Variants in C1orf185 observed in about 807,000 individuals in gnomAD.
C1orf185 encodes the protein chromosome 1 open reading frame 185, also known as uncharacterized protein C1orf185.
C1orf185 carries 13 observed loss-of-function variants against 16.1 expected under a neutral mutation model. That is an observed-to-expected ratio of 0.81 (90% confidence interval 0.53 to 1.28). C1orf185 has a LOEUF of 1.28. C1orf185 is among the 50% of genes most tolerant of loss of function. The pLI, the probability that C1orf185 is intolerant of heterozygous loss-of-function variation, is 0.00. For synonymous variants in C1orf185, 80 were observed against 76.9 expected, an observed-to-expected ratio of 1.04 and a Z score of -0.21; for missense variants, 220 against 225.2, an observed-to-expected ratio of 0.98 and a Z score of 0.15.
At chr1:51,122,201 T>C (rs1646202643) in intron 3 of C1orf185, among the ~76,000 whole-genome samples, 1 of 152,204 alleles carries the variant, frequency 6.6e-6, no homozygotes, top group Non-Finnish European at 1.5e-5. Flanking sequence ...TGTTTCTCTA[T>C]GAAATCTTTA....
chr1:51,127,571 C>A (rs1416989787), intron 3 of C1orf185, among the ~76,000 whole-genome samples: 1 of 152,158 alleles, frequency 6.6e-6, no homozygotes, highest in Non-Finnish European at 1.5e-5. Flanking sequence ...CAGGTGTGAG[C>A]CACTGCGCCC....
chr1:51,129,449 T>C (rs1646267635), intron 3 of C1orf185, among the ~76,000 whole-genome samples: 1 of 152,148 alleles, frequency 6.6e-6, no homozygotes, highest in Admixed American at 6.6e-5. Flanking sequence ...GACATTGGCT[T>C]TTCTTTTGAG....
At chr1:51,132,973 CAA>C (rs1230769771) in intron 3 of C1orf185, among the ~76,000 whole-genome samples, 1 of 152,098 alleles carries the variant, frequency 6.6e-6, no homozygotes, top group African/African-American at 2.4e-5. Context: ...CCTTCATAAA[CAA>C]AGGAGAAATA....
At chr1:51,113,948 A>C (rs67343486) in intron 2 of C1orf185, among the ~76,000 whole-genome samples, 22,980 of 152,164 alleles carry the variant, frequency 0.15, 2,942 homozygotes, top group African/African-American at 0.35. Context: ...GTTTCTGTTT[A>C]ATAGATTTGC....
At chr1:51,121,741 A>G (rs1019938454) in intron 3 of C1orf185, among the ~76,000 whole-genome samples, 1 of 152,128 alleles carries the variant, frequency 6.6e-6, no homozygotes, top group Non-Finnish European at 1.5e-5. Context: ...TCTAACAAAA[A>G]CTTTTATTGT....
intron 2 of C1orf185, among the ~76,000 whole-genome samples, chr1:51,116,760 G>C (rs1377240995): frequency 6.6e-6 from 1 of 152,042 alleles, no homozygotes; most frequent in Non-Finnish European, 1.5e-5. Context: ...TGCTTTCTGT[G>C]TTTCTGTTAC....
At chr1:51,106,565 T>C (rs186817721) in intron 1 of C1orf185, among the ~76,000 whole-genome samples, 1 of 152,186 alleles carries the variant, frequency 6.6e-6, no homozygotes, top group Non-Finnish European at 1.5e-5. Context: ...AGAGGATTGC[T>C]TGAGCCCCAG....
chr1:51,138,727 G>T (rs189708015), intron 3 of C1orf185, among the ~76,000 whole-genome samples: 1 of 151,258 alleles, frequency 6.6e-6, no homozygotes, highest in Non-Finnish European at 1.5e-5. Flanking sequence ...TTGCTCTATC[G>T]CCCAGGCTGT....
At chr1:51,125,788 G>A (rs1424307961) in intron 3 of C1orf185, among the ~76,000 whole-genome samples, 1 of 152,154 alleles carries the variant, frequency 6.6e-6, no homozygotes, top group African/African-American at 2.4e-5. Flanking sequence ...GAAGGAGATA[G>A]AAAAATGTAA....
At chr1:51,137,993 C>T (rs938770709) in intron 3 of C1orf185, among the ~76,000 whole-genome samples, 1 of 152,050 alleles carries the variant, frequency 6.6e-6, no homozygotes, top group South Asian at 2.1e-4. Flanking sequence ...TATGGGAGAG[C>T]CAAATGTTGA....
chr1:51,117,047 GTC>G lies in C1orf185; in HGVS notation c.123-1617_123-1616del, dbSNP rs569694419. On this transcript the variant is annotated intron_variant, in intron 2 of 4. Transcript: ENST00000371759. Reference sequence around the variant, plus strand: ...ATTTTCTTGTGATTACGTTATTAATGTCTGTCTTCTTTTCTAGTATTTAAGCT... The same window carrying G: ...ATTTTCTTGTGATTACGTTATTAATGTGTCTTCTTTTCTAGTATTTAAGCT... 3.7e-4 allele frequency among the ~76,000 whole-genome samples: 57 copies of G among 152,240 alleles called. No homozygotes were observed. In the East Asian group the frequency reaches 9.7e-3, roughly 26 times the overall value.
chr1:51,124,569 A>G (rs1340568020), intron 3 of C1orf185, among the ~76,000 whole-genome samples: 2 of 152,340 alleles, frequency 1.3e-5, no homozygotes, highest in East Asian at 3.9e-4. Flanking sequence ...AGAGACAGCA[A>G]CCTATGGGCT....
At chr1:51,126,582 T>G (rs1001774267) in intron 3 of C1orf185, among the ~76,000 whole-genome samples, 8 of 152,144 alleles carry the variant, frequency 5.3e-5, no homozygotes, top group Admixed American at 5.2e-4. Flanking sequence ...AATGTATATG[T>G]TTGTGCTTTT....
chr1:51,132,133 A>G (rs1304466479), intron 3 of C1orf185, among the ~76,000 whole-genome samples: 1 of 152,176 alleles, frequency 6.6e-6, no homozygotes, highest in Non-Finnish European at 1.5e-5. Context: ...TCAGAGATTG[A>G]TGGTAGATAA....
chr1:51,150,186 A>T (rs1037948143), downstream of C1orf185, among the ~76,000 whole-genome samples: 4 of 151,396 alleles, frequency 2.6e-5, no homozygotes, highest in African/African-American at 7.3e-5. Flanking sequence ...TAATAAATTG[A>T]ATGTCTTTCT....
intron 3 of C1orf185, among the ~76,000 whole-genome samples, chr1:51,131,543 G>A (rs1161998037): frequency 2.6e-5 from 4 of 152,020 alleles, no homozygotes; most frequent in Non-Finnish European, 4.4e-5. Flanking sequence ...AGAAGCTGAG[G>A]TGGGAAAATC....
chr1:51,142,685 G>T (rs1646373071), intron 3 of C1orf185, among the ~76,000 whole-genome samples: 1 of 152,092 alleles, frequency 6.6e-6, no homozygotes, highest in African/African-American at 2.4e-5. Context: ...GTATAAAGTT[G>T]TTCATGATAT....
intron 3 of C1orf185, among the ~76,000 whole-genome samples, chr1:51,145,025 CAG>C (rs2148033907): frequency 6.6e-6 from 1 of 152,228 alleles, no homozygotes; most frequent in Admixed American, 6.5e-5. Context: ...AACCAAGAAT[CAG>C]AATTTTAACA....
At chr1:51,151,046 A>C (rs1646427553), downstream of C1orf185, among the ~76,000 whole-genome samples, 1 of 152,266 alleles carries the variant, frequency 6.6e-6, no homozygotes, top group Non-Finnish European at 1.5e-5. Flanking sequence ...AGACATGCAG[A>C]AATGTAAGAG....
Sources: allele counts gnomAD v4.1 joint callset (sites outside exome capture counted in the v4.1 genomes callset), GRCh38; gene constraint gnomAD v4.1.1; transcripts MANE v1.5; gene names NCBI Gene and HGNC (gene_info 2026-07-23, HGNC 2026-07-21).